CSMD2: variants seen among roughly 807,000 people sequenced by gnomAD.
CSMD2 encodes CUB and sushi domain-containing protein 2.
In CSMD2, 130 loss-of-function variants were observed where a neutral mutation model predicts 398.5. The observed-to-expected ratio is 0.33, with a 90% CI of 0.28 to 0.38. The LOEUF (loss-of-function observed/expected upper bound fraction) is 0.38. Among genes scored for constraint, CSMD2 ranks in the 10% least tolerant of loss-of-function variants. The pLI, the probability that CSMD2 is intolerant of heterozygous loss-of-function variation, is 1.00. For synonymous variants in CSMD2, 1,828 were observed against 1,908.5 expected (o/e 0.96, Z 1.10); for missense variants, 3,829 against 4,764.9 (o/e 0.80, Z 5.78).
At chr1:33,810,432 A>G (rs1656729454) in intron 10 of CSMD2, among the ~76,000 whole-genome samples, 1 of 152,214 alleles carries the variant, frequency 6.6e-6, no homozygotes, top group Non-Finnish European at 1.5e-5. Flanking sequence ...AATTGAGGTA[A>G]TGGTTACCTC....
intron 27 of CSMD2, 150 bp from the exon 28 acceptor site, chr1:33,652,611 T>C: frequency 1.3e-6 from 1 of 797,456 alleles, no homozygotes; most frequent in Non-Finnish European, 2.0e-6. Context: ...GGTGAAATGA[T>C]GGACTTCTAC....
intron 2 of CSMD2, among the ~76,000 whole-genome samples, chr1:34,047,427 C>T (rs1026315421): frequency 6.6e-6 from 1 of 152,160 alleles, no homozygotes; most frequent in African/African-American, 2.4e-5. Context: ...AACCCTCCTC[C>T]CCTCCTGTCC....
At chr1:34,094,667 A>G (rs932435074) in intron 1 of CSMD2, among the ~76,000 whole-genome samples, 1 of 152,250 alleles carries the variant, frequency 6.6e-6, no homozygotes, top group African/African-American at 2.4e-5. Context: ...AAAGAAGGCC[A>G]TTACATGATG....
chr1:33,868,457 G>A (rs1232587154), intron 5 of CSMD2, among the ~76,000 whole-genome samples: 1 of 152,112 alleles, frequency 6.6e-6, no homozygotes, highest in Non-Finnish European at 1.5e-5. Context: ...CAACAAATAG[G>A]CCAGGCGCGG....
At position 33,577,335 on chromosome 1, in the gene CSMD2, C is replaced by A; in HGVS notation, c.7537G>T (p.Gly2513Cys). 1 of 1,613,690 alleles carries A rather than the reference C, an allele frequency of 6.2e-7. No homozygotes were observed. The highest frequency in any genetic ancestry group is 2.2e-5 in the East Asian group (1 of 44,880). The change falls in exon 49 of 71, where the codon GGC becomes TGC. Residue 2513 changes from glycine (G) to cysteine (C), a missense_variant. By Grantham distance (159) the Gly-to-Cys change is radical. Around this residue, in one of 5 missense-constraint regions of CSMD2, gnomAD observed 723 missense variants for 758.6 expected, o/e 0.95. Coordinates refer to ENST00000373381, the MANE Select transcript of CSMD2 (RefSeq NM_001281956.2). ...ATGGCTTCGCTCCACAGGTGGTAGC[C>A]CTGGGGGTGCCGGGTACAGATGGCC... ...SMAICTRHPQ[G>C]YHLWSEAIPL...
At position 33,678,262 on chromosome 1, in the gene CSMD2, T is replaced by C. The variant is rs1224431181; in HGVS notation, c.4052+14668A>G. ...AAAGGAGATGCTGGCACCATGCTTCTTGTACAGCTTGTAGAACCATGAGCC... is the reference window on the plus strand; with the variant it reads ...AAAGGAGATGCTGGCACCATGCTTCCTGTACAGCTTGTAGAACCATGAGCC... On this transcript the variant is annotated intron_variant, in intron 25 of 70. Coordinates refer to ENST00000373381, the MANE Select transcript of CSMD2 (RefSeq NM_001281956.2). Among the ~76,000 whole-genome samples, 3 of 151,468 alleles carry C rather than the reference T, an allele frequency of 2.0e-5. No individual in the cohort carries two copies. In the South Asian group the frequency reaches 6.2e-4, roughly 31 times the overall value.
chr1:33,933,857 C>T (rs1041120194), intron 4 of CSMD2, among the ~76,000 whole-genome samples: 1 of 152,032 alleles, frequency 6.6e-6, no homozygotes, highest in African/African-American at 2.4e-5. Context: ...CTCAACATGG[C>T]CAAGGCCCAT....
chr1:33,704,606 G>C (rs1645714733), intron 22 of CSMD2, among the ~76,000 whole-genome samples: 1 of 152,032 alleles, frequency 6.6e-6, no homozygotes, highest in African/African-American at 2.4e-5. Context: ...CTGTTTATAG[G>C]CTATTAGGTT....
intron 10 of CSMD2, among the ~76,000 whole-genome samples, chr1:33,798,066 T>G (rs1476509893): frequency 6.6e-6 from 1 of 152,186 alleles, no homozygotes; most frequent in African/African-American, 2.4e-5. Flanking sequence ...TAGTGCACAA[T>G]GTACTAGCAC....
Position 33,592,862 on chromosome 1 carries a change from T to G in CSMD2, c.6857-5694A>C, listed in dbSNP as rs562003684. On this transcript the variant is annotated intron_variant, in intron 44 of 70. Transcript: ENST00000373381. ...TACTCGGGAGGCTGAGGCAGGAGAA[T>G]GGTGCCAACCTGGGAGGCGGAGCTT... Among the ~76,000 whole-genome samples, 3 of 151,312 alleles carry G rather than the reference T, an allele frequency of 2.0e-5. No individual in the cohort carries two copies. In the South Asian group the frequency reaches 6.3e-4, roughly 32 times the overall value.
chr1:34,051,549 C>A (rs1419767970), intron 2 of CSMD2, among the ~76,000 whole-genome samples: 1 of 151,754 alleles, frequency 6.6e-6, no homozygotes, highest in African/African-American at 2.4e-5. Context: ...TTTCCTTTTT[C>A]ATATAGCATA....
intron 6 of CSMD2, among the ~76,000 whole-genome samples, chr1:33,832,726 A>G (rs1427128540): frequency 6.6e-6 from 1 of 151,148 alleles, no homozygotes; most frequent in African/African-American, 2.4e-5. Context: ...GTTTTTTGAA[A>G]GGATCAACAA....
intron 1 of CSMD2, among the ~76,000 whole-genome samples, chr1:34,146,463 G>A (rs1639773174): frequency 6.6e-6 from 1 of 152,138 alleles, no homozygotes; most frequent in Non-Finnish European, 1.5e-5. Context: ...AAAGAGTAAA[G>A]TCACTCCCTT....
chr1:33,626,214 C>CAATG (rs1642119618), intron 33 of CSMD2, among the ~76,000 whole-genome samples: 1 of 152,200 alleles, frequency 6.6e-6, no homozygotes, highest in Non-Finnish European at 1.5e-5. Flanking sequence ...CCATGCCAGA[C>CAATG]AATGGGTGGA....
intron 13 of CSMD2, among the ~76,000 whole-genome samples, chr1:33,762,314 C>A (rs866999406): frequency 1.3e-5 from 2 of 151,832 alleles, no homozygotes; most frequent in South Asian, 2.1e-4. Context: ...CATGGCAGAG[C>A]ACAGTGGAGA....
chr1:33,555,702 C>T (rs187227287), intron 55 of CSMD2, among the ~76,000 whole-genome samples: 4 of 152,216 alleles, frequency 2.6e-5, no homozygotes, highest in African/African-American at 7.2e-5. Context: ...GTATGACTTG[C>T]TAAGGGCTCA....
intron 1 of CSMD2, among the ~76,000 whole-genome samples, chr1:34,126,707 G>A (rs777498969): frequency 3.3e-5 from 5 of 152,106 alleles, no homozygotes; most frequent in Non-Finnish European, 7.3e-5. Context: ...ACTGATTCTC[G>A]CTGTCAGGGG....
At chr1:34,042,271 C>T (rs960620200) in intron 2 of CSMD2, among the ~76,000 whole-genome samples, 2 of 152,126 alleles carry the variant, frequency 1.3e-5, no homozygotes, top group South Asian at 2.1e-4. Flanking sequence ...TGGAGTAGGG[C>T]GGCTGGCAAA....
intron 1 of CSMD2, among the ~76,000 whole-genome samples, chr1:34,146,395 T>C (rs914373065): frequency 3.9e-5 from 6 of 152,204 alleles, no homozygotes; most frequent in African/African-American, 1.4e-4. Flanking sequence ...TCTTTGCCAG[T>C]TCTTCAAGAG....
Sources: allele counts gnomAD v4.1 joint callset (sites outside exome capture counted in the v4.1 genomes callset), GRCh38; gene constraint gnomAD v4.1.1; regional missense constraint gnomAD v4.1.1; transcripts MANE v1.5; gene names NCBI Gene and HGNC (gene_info 2026-07-23, HGNC 2026-07-21).